The following B3GALT1 variants were observed in gnomAD, a reference collection of about 807,000 sequenced individuals.
B3GALT1 encodes UDP-Gal:betaGlcNAc beta 1,3-galactosyltransferase, polypeptide 1.
Under a neutral mutation model 23.2 loss-of-function variants are expected in B3GALT1, and 10 were observed. The ratio of observed to expected loss-of-function variants is 0.43; its 90% CI spans 0.27 to 0.73. The LOEUF (loss-of-function observed/expected upper bound fraction) is 0.73, where lower values mean the gene tolerates loss of function less well. B3GALT1 is among the 30% of genes least tolerant of loss of function. The pLI is 0.21. For missense variants in B3GALT1, 299 were observed against 405.4 expected, an observed-to-expected ratio of 0.74 and a Z score of 2.25; for synonymous variants, 156 against 141.5, an observed-to-expected ratio of 1.10 and a Z score of -0.73.
At chr2:167,396,313 A>G (rs1698094246) in intron 1 of B3GALT1, among the ~76,000 whole-genome samples, 1 of 152,056 alleles carries the variant, frequency 6.6e-6, no homozygotes, top group Non-Finnish European at 1.5e-5. Flanking sequence ...TGTCATTTAT[A>G]AATTTTCTTT....
intron 2 of B3GALT1, among the ~76,000 whole-genome samples, chr2:167,600,546 C>T (rs1330405864): frequency 1.3e-5 from 2 of 152,190 alleles, no homozygotes; most frequent in East Asian, 3.8e-4. Context: ...CCCACCCACT[C>T]CTGTTCCCCC....
chr2:167,344,021 T>C (rs1229850252), intron 1 of B3GALT1, among the ~76,000 whole-genome samples: 1 of 152,216 alleles, frequency 6.6e-6, no homozygotes, highest in African/African-American at 2.4e-5. Context: ...ATTGGGTGGC[T>C]ATGGGGTGAC....
chr2:167,446,455 G>A lies in B3GALT1; in HGVS notation c.-510-43722G>A, dbSNP rs537540935. 5.3e-5 allele frequency among the ~76,000 whole-genome samples: 8 copies of A among 152,352 alleles called. No individual in the cohort carries two copies. The East Asian group carries it at 1.4e-3, about 26-fold the overall frequency. ...GTTCTCCTGGATAATATCGTGCAGA[G>A]TGTTTTCCAACTTGGTTCCATTCTC... On this transcript the variant is annotated intron_variant, in intron 1 of 4. Transcript: ENST00000392690.
At chr2:167,669,667 T>C (rs1343906803) in intron 3 of B3GALT1, among the ~76,000 whole-genome samples, 7 of 152,232 alleles carry the variant, frequency 4.6e-5, no homozygotes, top group Non-Finnish European at 8.8e-5. Context: ...TTTAGAAATG[T>C]ATGTAAAATG....
intron 3 of B3GALT1, among the ~76,000 whole-genome samples, chr2:167,677,822 T>C (rs1243906745): frequency 6.6e-6 from 1 of 152,142 alleles, no homozygotes; most frequent in African/African-American, 2.4e-5. Context: ...CTCAGGAAAC[T>C]TACAATCATG....
chr2:167,833,022 G>T (rs931783788), intron 4 of B3GALT1, among the ~76,000 whole-genome samples: 1 of 152,216 alleles, frequency 6.6e-6, no homozygotes, highest in Admixed American at 6.5e-5. Flanking sequence ...TTTCTGCTCT[G>T]CAGACTTGAT....
chr2:167,751,487 A>G (rs1332832978), intron 3 of B3GALT1, among the ~76,000 whole-genome samples: 1 of 152,100 alleles, frequency 6.6e-6, no homozygotes, highest in Non-Finnish European at 1.5e-5. Context: ...AGAACAGAGA[A>G]TTTTTTGCCA....
chr2:167,478,886 C>A (rs1169978840), intron 1 of B3GALT1, among the ~76,000 whole-genome samples: 1 of 152,026 alleles, frequency 6.6e-6, no homozygotes, highest in Non-Finnish European at 1.5e-5. Context: ...TCTAAATTTT[C>A]TTCAAATATT....
At chr2:167,646,844 CT>C (rs1558935843) in intron 2 of B3GALT1, among the ~76,000 whole-genome samples, 64 bp from the exon 3 acceptor site, 2 of 152,048 alleles carry the variant, frequency 1.3e-5, no homozygotes, top group African/African-American at 4.8e-5. Context: ...TTGTATAGGG[CT>C]TTTTTATTTG....
chr2:167,743,506 CT>C (rs374426164), intron 3 of B3GALT1, among the ~76,000 whole-genome samples: 35 of 152,040 alleles, frequency 2.3e-4, no homozygotes, highest in African/African-American at 7.5e-4. Flanking sequence ...GCTATTATTT[CT>C]TTTCTTGTAA....
chr2:167,816,635 A>G (rs1304103669), intron 3 of B3GALT1, among the ~76,000 whole-genome samples: 1 of 152,150 alleles, frequency 6.6e-6, no homozygotes, highest in African/African-American at 2.4e-5. Flanking sequence ...ATATATTTCA[A>G]TAATGTTTAT....
intron 2 of B3GALT1, among the ~76,000 whole-genome samples, chr2:167,563,983 A>G (rs562850929): frequency 0.16 from 19,269 of 121,670 alleles, 3,013 homozygotes; most frequent in African/African-American, 0.42. Flanking sequence ...CGGACGGGGC[A>G]GCCGGCCGGA....
intron 1 of B3GALT1, among the ~76,000 whole-genome samples, chr2:167,313,739 C>T (rs1483627648): frequency 1.3e-5 from 2 of 152,124 alleles, no homozygotes; most frequent in African/African-American, 4.8e-5. Flanking sequence ...TTAGGTTCTC[C>T]ATCACTGTGA....
chr2:167,594,385 A>G (rs1684740121), intron 2 of B3GALT1, among the ~76,000 whole-genome samples: 1 of 152,208 alleles, frequency 6.6e-6, no homozygotes, highest in African/African-American at 2.4e-5. Context: ...AAGAAATAGT[A>G]TTCCAGATCA....
At chr2:167,823,704 C>T (rs1209329754) in intron 4 of B3GALT1, among the ~76,000 whole-genome samples, 2 of 152,154 alleles carry the variant, frequency 1.3e-5, no homozygotes, top group Non-Finnish European at 1.5e-5. Context: ...AACAGTGGCC[C>T]CAGCTCATTC....
intron 1 of B3GALT1, among the ~76,000 whole-genome samples, chr2:167,325,825 C>G (rs1369111820): frequency 6.7e-6 from 1 of 149,910 alleles, no homozygotes; most frequent in Admixed American, 6.7e-5. Context: ...TCAAGCAATT[C>G]TCCTGCATCA....
intron 2 of B3GALT1, among the ~76,000 whole-genome samples, chr2:167,620,225 A>T (rs1051767580): frequency 6.6e-6 from 1 of 152,088 alleles, no homozygotes; most frequent in Non-Finnish European, 1.5e-5. Context: ...GACTGCAGGT[A>T]GGGAAAACTT....
intron 2 of B3GALT1, among the ~76,000 whole-genome samples, chr2:167,624,177 T>C (rs1481719733): frequency 3.3e-5 from 5 of 152,042 alleles, no homozygotes; most frequent in Non-Finnish European, 5.9e-5. Context: ...GTTAAAATGA[T>C]GGGAAATAGA....
chr2:167,480,176 C>G (rs758781870), intron 1 of B3GALT1, among the ~76,000 whole-genome samples: 22 of 152,146 alleles, frequency 1.4e-4, no homozygotes, highest in Non-Finnish European at 2.8e-4. Flanking sequence ...AGAAACCATG[C>G]CTACATTTTA....
Sources: allele counts gnomAD v4.1 joint callset (sites outside exome capture counted in the v4.1 genomes callset), GRCh38; gene constraint gnomAD v4.1.1; transcripts MANE v1.5; gene names NCBI Gene and HGNC (gene_info 2026-07-23, HGNC 2026-07-21).